Variants in INSR observed in about 807,000 individuals in gnomAD.
INSR encodes the protein IR.
A neutral mutation model predicts 142.6 loss-of-function variants in INSR; 67 were observed. That is an observed-to-expected ratio of 0.47 (90% CI 0.39 to 0.58). The LOEUF is 0.58. Ranked by LOEUF, INSR falls within the 20% of genes least tolerant of loss-of-function variation. INSR has a pLI of 0.00. For synonymous variants in INSR, 756 were observed against 743.1 expected (o/e 1.02, Z -0.28); for missense variants, 1,248 against 1,833.2 (o/e 0.68, Z 5.83).
intron 2 of INSR, among the ~76,000 whole-genome samples, chr19:7,186,119 C>G (rs918254767): frequency 6.6e-6 from 1 of 152,074 alleles, no homozygotes; most frequent in Admixed American, 6.6e-5. Flanking sequence ...TCGCTTGAAC[C>G]TGGGAGGGGA....
At chr19:7,132,859 G>A (rs1972821173) in intron 13 of INSR, among the ~76,000 whole-genome samples, 1 of 152,120 alleles carries the variant, frequency 6.6e-6, no homozygotes, top group African/African-American at 2.4e-5. Context: ...CCAAAGTGCT[G>A]AGATTACAGG....
chr19:7,243,748 T>C (rs1976442657), intron 2 of INSR, among the ~76,000 whole-genome samples: 1 of 152,108 alleles, frequency 6.6e-6, no homozygotes. Flanking sequence ...ATGGCAAGAA[T>C]TCAGAAAACG....
At chr19:7,288,115 TTGGG>T (rs1968391013) in intron 1 of INSR, among the ~76,000 whole-genome samples, 2 of 151,960 alleles carry the variant, frequency 1.3e-5, no homozygotes, top group African/African-American at 4.8e-5. Context: ...ATCCCAGCAC[TTGGG>T]AGGCCCAGGA....
intron 2 of INSR, among the ~76,000 whole-genome samples, chr19:7,210,799 A>G (rs2042904): frequency 0.51 from 76,613 of 151,520 alleles, 20,883 homozygotes; most frequent in East Asian, 0.74. Flanking sequence ...GTACAGTCTC[A>G]GCTCACTGCA....
At chr19:7,293,403 C>T (rs1161744836) in intron 1 of INSR, among the ~76,000 whole-genome samples, 1 of 152,174 alleles carries the variant, frequency 6.6e-6, no homozygotes, top group Non-Finnish European at 1.5e-5. Context: ...CTTGGCTGTT[C>T]GGGGCTGTCC....
intron 2 of INSR, among the ~76,000 whole-genome samples, chr19:7,213,489 A>T (rs7255382): frequency 2.0e-5 from 3 of 151,952 alleles, no homozygotes; most frequent in African/African-American, 4.8e-5. Context: ...TCTCTCTTGC[A>T]GGTCCTTTAT....
At chr19:7,203,368 C>T (rs1336171206) in intron 2 of INSR, among the ~76,000 whole-genome samples, 2 of 152,036 alleles carry the variant, frequency 1.3e-5, no homozygotes, top group Non-Finnish European at 2.9e-5. Flanking sequence ...TTTAGCCACA[C>T]GTTGAAGTTT....
At chr19:7,151,056 TTTC>T (rs368841879) in intron 10 of INSR, among the ~76,000 whole-genome samples, 1,406 of 73,506 alleles carry the variant, frequency 0.019, 27 homozygotes, top group African/African-American at 0.041. Context: ...TTTCTTTCTC[TTTC>T]TTTTCTTTCT....
chr19:7,121,899 T>C (rs1477333032), intron 19 of INSR, among the ~76,000 whole-genome samples: 1 of 152,128 alleles, frequency 6.6e-6, no homozygotes, highest in Non-Finnish European at 1.5e-5. Context: ...TCCCAGTGCT[T>C]TGGGAGGCCA....
chr19:7,116,981 A>ACCAT lies in INSR; in HGVS notation c.*74_*75insATGG. Reference sequence around the variant, plus strand: ...ACATGGTAGAGTCGTGAGAATCCTGAGTTTTCCAGAGGCTTTCAAACCAGA... The same window carrying ACCAT: ...ACATGGTAGAGTCGTGAGAATCCTGACCATGTTTTCCAGAGGCTTTCAAACCAGA... On this transcript the variant is annotated 3_prime_UTR_variant, in exon 22 of 22. Transcript: ENST00000302850. 9.0e-7 allele frequency: 1 copy of ACCAT among 1,105,474 alleles called. No individual in the cohort carries two copies. The highest frequency in any genetic ancestry group is 1.4e-6 in the Non-Finnish European group (1 of 716,066). 68.5% of individuals were successfully genotyped at this position (1,105,474 alleles called of 1,614,324 possible).
At chr19:7,128,362 C>CA (rs1331493542) in intron 15 of INSR, among the ~76,000 whole-genome samples, 1 of 151,900 alleles carries the variant, frequency 6.6e-6, no homozygotes, top group African/African-American at 2.4e-5. Flanking sequence ...CAGGCGCCCA[C>CA]CACCATGCCC....
chr19:7,228,011 C>G (rs981935227), intron 2 of INSR, among the ~76,000 whole-genome samples: 1 of 152,008 alleles, frequency 6.6e-6, no homozygotes. Context: ...TCAGACTGTC[C>G]CAAATCTAGG....
At chr19:7,204,359 A>G (rs1975046444) in intron 2 of INSR, among the ~76,000 whole-genome samples, 1 of 151,952 alleles carries the variant, frequency 6.6e-6, no homozygotes, top group African/African-American at 2.4e-5. Flanking sequence ...CCAGCCTGGA[A>G]TGACTGCTTT....
At chr19:7,175,378 C>T (rs749624676) in intron 3 of INSR, among the ~76,000 whole-genome samples, 1 of 152,038 alleles carries the variant, frequency 6.6e-6, no homozygotes, top group Non-Finnish European at 1.5e-5. Context: ...CATCATGCTA[C>T]GGCAAGGTCT....
At chr19:7,163,226 A>G in intron 8 of INSR, 27 bp from the exon 9 acceptor site, 1 of 1,598,884 alleles carries the variant, frequency 6.3e-7, no homozygotes, top group South Asian at 1.1e-5. Flanking sequence ...AAATGGGTCC[A>G]TCATGAGAAA....
intron 9 of INSR, among the ~76,000 whole-genome samples, chr19:7,158,393 C>CTA (rs1973663977): frequency 6.6e-6 from 1 of 151,886 alleles, no homozygotes; most frequent in Admixed American, 6.6e-5. Flanking sequence ...CCCAGCTACT[C>CTA]GGGAGGCTGA....
Position 7,122,182 on chromosome 19 carries a change from G to A in INSR, c.3529+432C>T, listed in dbSNP as rs566381824. Among the ~76,000 whole-genome samples the A allele has an allele frequency of 4.4e-3, 649 of 148,680 alleles. 3 individuals carry two copies. The highest frequency in any genetic ancestry group is 0.015 in the African/African-American group (602 of 40,282). On this transcript the variant is annotated intron_variant, in intron 19 of 21. Transcript: ENST00000302850. ...AAAAAAAGCCGGTGCAGTGGCTCAC[G>A]CCTGTAATCCCAGCACTTTGGGAGG...
In INSR at chr19:7,123,193, C is replaced by T. The variant is rs146665691; in HGVS notation, c.3259-204G>A. ...ATTTTTTTTTTTTTAATTTTCGAGACGGAATCTTGCTGTTACCCAGGCTAG... is the reference window on the plus strand; with the variant it reads ...ATTTTTTTTTTTTTAATTTTCGAGATGGAATCTTGCTGTTACCCAGGCTAG... On this transcript the variant is annotated intron_variant, in intron 17 of 21. Coordinates refer to ENST00000302850, the MANE Select transcript of INSR (RefSeq NM_000208.4). 1,956 of 563,646 alleles carry T rather than the reference C, an allele frequency of 3.5e-3. 21 individuals are homozygous for T. Among genetic ancestry groups the T allele is most frequent in the African/African-American group, 0.028 (1,504 of 52,896 alleles). The allele number at this position is 563,646 out of a possible 1,614,324, so 34.9% of individuals were successfully genotyped here. A position where few individuals can be genotyped will look rare whatever the true frequency, so the allele number is the denominator to read the frequency against.
intron 2 of INSR, among the ~76,000 whole-genome samples, chr19:7,209,959 T>C (rs980913095): frequency 6.6e-6 from 1 of 151,982 alleles, no homozygotes; most frequent in Non-Finnish European, 1.5e-5. Flanking sequence ...TGGAAATGTC[T>C]ATTGGTTGTG....
Sources: gnomAD v4.1 joint callset for allele counts (sites outside exome capture counted in the v4.1 genomes callset) on GRCh38, gnomAD v4.1.1 for gene constraint, MANE v1.5 for transcripts, NCBI Gene and HGNC (gene_info 2026-07-23, HGNC 2026-07-21) for gene names.